The following PRR27 variants were observed in gnomAD, a reference collection of about 807,000 sequenced individuals.
The protein encoded by PRR27 is proline rich 27.
Under a neutral mutation model 16.8 loss-of-function variants are expected in PRR27, and 12 were observed. The observed-to-expected ratio is 0.71, with a 90% CI of 0.46 to 1.16. PRR27 has a LOEUF of 1.16. Among genes scored for constraint, PRR27 ranks in the 50% most tolerant of loss-of-function variants. The pLI is 0.00. For missense variants in PRR27, 277 were observed against 273.3 expected (o/e 1.01, Z -0.10); for synonymous variants, 100 against 98.4 (o/e 1.02, Z -0.10).
Position 70,165,507 on chromosome 4 carries a change from T to C in PRR27, c.*2846T>C, listed in dbSNP as rs1728743114. 1 of 152,078 alleles carries C rather than the reference T, an allele frequency of 6.6e-6. No individual in the cohort carries two copies. The highest frequency in any genetic ancestry group is 2.1e-4 in the South Asian group (1 of 4,832). The allele number at this position is 152,078 out of a possible 1,614,324, so 9.4% of individuals were successfully genotyped here. ...AAAACTACTTAGTGGATTAGGGTAA[T>C]TCATTCTACTTTTAAAAATGATTTT... On this transcript the variant is annotated 3_prime_UTR_variant, in exon 5 of 5. Coordinates refer to ENST00000344526, the MANE Select transcript of PRR27 (RefSeq NM_214711.4).
rs1224856345 is a variant in PRR27, at chr4:70,166,138, T to C, written c.*3477T>C. 1 of 152,122 alleles carries C rather than the reference T, an allele frequency of 6.6e-6. No homozygotes were observed. The highest frequency in any genetic ancestry group is 1.5e-5 in the Non-Finnish European group (1 of 67,964). 9.4% of individuals were successfully genotyped at this position (152,122 alleles called of 1,614,324 possible). ...TCAACATTTATATTTCTGAGACTTT[T>C]CACATTTTTGAATGTATTCATAGTT... On this transcript the variant is annotated 3_prime_UTR_variant, in exon 5 of 5. Transcript: ENST00000344526.
At chr4:70,160,374 C>T (rs1288178940) in intron 3 of PRR27, among the ~76,000 whole-genome samples, 1 of 151,532 alleles carries the variant, frequency 6.6e-6, no homozygotes, top group Non-Finnish European at 1.5e-5. Context: ...ACCTTCCTGG[C>T]TCCATCTACT....
At chr4:70,156,522 T>C (rs1027541053) in intron 2 of PRR27, among the ~76,000 whole-genome samples, 3 of 152,194 alleles carry the variant, frequency 2.0e-5, no homozygotes, top group African/African-American at 7.2e-5. Context: ...TAGGAACCAC[T>C]AGCAGGAGGA....
At chr4:70,158,987 T>C (rs1728569966) in intron 3 of PRR27, 87 bp downstream of exon 3, 3 of 1,176,016 alleles carry the variant, frequency 2.6e-6, no homozygotes, top group Non-Finnish European at 3.6e-6. Context: ...CAAGCAAATC[T>C]ATATCAACTT....
chr4:70,161,414 T>C (rs1296507883), intron 3 of PRR27, among the ~76,000 whole-genome samples, 172 bp from the exon 4 acceptor site: 1 of 151,276 alleles, frequency 6.6e-6, no homozygotes, highest in Non-Finnish European at 1.5e-5. Context: ...AGTTCTCTGT[T>C]TCAGAAAGCT....
chr4:70,160,086 A>C (rs1281861558), intron 3 of PRR27, among the ~76,000 whole-genome samples: 1 of 152,068 alleles, frequency 6.6e-6, no homozygotes, highest in Admixed American at 6.6e-5. Flanking sequence ...ACATATGCAG[A>C]TTTGTTACAT....
intron 3 of PRR27, 29 bp downstream of exon 3, chr4:70,158,929 T>C (rs1400234447): frequency 2.6e-6 from 4 of 1,561,346 alleles, no homozygotes; most frequent in African/African-American, 1.4e-5. Flanking sequence ...ACCACTATAA[T>C]GTATGAGAAA....
intron 1 of PRR27, 140 bp downstream of exon 1, chr4:70,154,566 G>A (rs79174243): frequency 0.015 from 12,632 of 863,152 alleles, 128 homozygotes; most frequent in Non-Finnish European, 0.019. Flanking sequence ...GATTTGTAGT[G>A]TCAGACTTTT....
At chr4:70,158,259 A>C in intron 2 of PRR27, 69 bp from the exon 3 acceptor site, 1 of 945,782 alleles carries the variant, frequency 1.1e-6, no homozygotes, top group South Asian at 1.5e-5. Flanking sequence ...ATATCATCAC[A>C]GTTGTACCAT....
At chr4:70,157,118 C>T (rs956239537) in intron 2 of PRR27, among the ~76,000 whole-genome samples, 5 of 151,930 alleles carry the variant, frequency 3.3e-5, no homozygotes, top group Non-Finnish European at 7.4e-5. Context: ...ATATGTCATA[C>T]CTCAGGGGGC....
chr4:70,154,659 A>T, intron 1 of PRR27: 2 of 965,104 alleles, frequency 2.1e-6, no homozygotes, highest in Non-Finnish European at 3.1e-6. Flanking sequence ...TAAGTTCATA[A>T]ATGTAGGAGG....
intron 3 of PRR27, among the ~76,000 whole-genome samples, chr4:70,159,957 T>A (rs1728600716): frequency 6.6e-6 from 1 of 152,192 alleles, no homozygotes; most frequent in Non-Finnish European, 1.5e-5. Context: ...CAGGTAGTTC[T>A]CTACCTGACC....
chr4:70,161,674 A>G (rs1728653166), intron 4 of PRR27, 44 bp downstream of exon 4: 10 of 917,108 alleles, frequency 1.1e-5, no homozygotes, highest in Non-Finnish European at 1.7e-5. Context: ...ATAGATAAAG[A>G]GGTTAAATCT....
chr4:70,158,981 C>A (rs1728569733), intron 3 of PRR27, 81 bp downstream of exon 3: 5 of 1,243,016 alleles, frequency 4.0e-6, no homozygotes, highest in East Asian at 2.4e-5. Context: ...ACTCCCCAAG[C>A]AAATCTATAT....
At chr4:70,160,433 C>CTGTGTG (rs1484201599) in intron 3 of PRR27, among the ~76,000 whole-genome samples, 227 of 40,800 alleles carry the variant, frequency 5.6e-3, no homozygotes, top group South Asian at 0.02. Context: ...CTCTCTCTCT[C>CTGTGTG]TCTCTCTCTC....
rs1728649981 is a variant in PRR27 at position 70,161,547 on chromosome 4, G to T, written c.649-39G>T. ...CAATACTATGAAATAAAGTACATTT[G>T]ATTGTTTATGAAAAGATCTTTTTTT... is the stretch of plus-strand genomic sequence containing the variant. On this transcript the variant is annotated intron_variant, in intron 3 of 4. Transcript: ENST00000344526. 8 of 1,329,706 alleles carry T rather than the reference G, an allele frequency of 6.0e-6. No homozygotes were observed. The Admixed American group carries it at 1.3e-4, about 21-fold the overall frequency. The allele number at this position is 1,329,706 out of a possible 1,614,324, so 82.4% of individuals were successfully genotyped here.
intron 1 of PRR27, among the ~76,000 whole-genome samples, 157 bp from the exon 2 acceptor site, chr4:70,155,897 G>C (rs1560468409): frequency 6.6e-6 from 1 of 151,978 alleles, no homozygotes; most frequent in Admixed American, 6.5e-5. Context: ...TGATAATGAT[G>C]ACGATGATAA....
At position 70,158,505 on chromosome 4, in the gene PRR27, C is replaced by T. The variant is rs919027112; in HGVS notation, c.253C>T (p.Pro85Ser). 1.9e-6 allele frequency: 3 copies of T among 1,614,038 alleles called. No homozygotes were observed. ...CTGGATTCTAACTTCTCCTGGATTC[C>T]CCTATGTCTATCACATCCGTGGTTT... ...YPWILTSPGF[P>S]YVYHIRGFPL... Residue 85 changes from proline to serine, a missense_variant, in exon 3 of 5, where the codon CCC (proline) becomes TCC (serine). Transcript: ENST00000344526.
In PRR27 at chr4:70,166,124, ATT is replaced by A. The variant is rs1286350250; in HGVS notation, c.*3465_*3466del. 6.6e-6 allele frequency: 1 copy of A among 152,090 alleles called. No homozygotes were observed. Among genetic ancestry groups the A allele is most frequent in the African/African-American group, 2.4e-5 (1 of 41,440 alleles). 9.4% of individuals were successfully genotyped at this position (152,090 alleles called of 1,614,324 possible). On this transcript the variant is annotated 3_prime_UTR_variant, in exon 5 of 5. Coordinates refer to ENST00000344526, the MANE Select transcript of PRR27 (RefSeq NM_214711.4). ...TTTACTATTTTTACTCAACATTTAT[ATT>A]TCTGAGACTTTTCACATTTTTGAAT...
Sources: allele counts gnomAD v4.1 joint callset (sites outside exome capture counted in the v4.1 genomes callset), GRCh38; gene constraint gnomAD v4.1.1; transcripts MANE v1.5; gene names NCBI Gene and HGNC (gene_info 2026-07-23, HGNC 2026-07-21).